The following PTPRZ1 variants were observed in gnomAD, a reference collection of about 807,000 sequenced individuals.
PTPRZ1 encodes protein tyrosine phosphatase receptor type Z1, also known as receptor-type tyrosine-protein phosphatase zeta.
A neutral mutation model predicts 214.1 loss-of-function variants in PTPRZ1; 82 were observed. The observed-to-expected ratio is 0.38, with a 90% CI of 0.32 to 0.46. The LOEUF (loss-of-function observed/expected upper bound fraction) is 0.46, where lower values mean the gene tolerates loss of function less well. Ranked by LOEUF, PTPRZ1 falls within the 20% of genes least tolerant of loss-of-function variation. The probability of loss-of-function intolerance (pLI) is 1.00; values close to 1 mark genes in which losing one functional copy is unlikely to be tolerated. For missense variants in PTPRZ1, 2,603 were observed against 2,748.7 expected, an observed-to-expected ratio of 0.95 and a Z score of 1.19; for synonymous variants, 945 against 987.9, an observed-to-expected ratio of 0.96 and a Z score of 0.81.
At chr7:121,982,835 G>A (rs983004312) in intron 6 of PTPRZ1, among the ~76,000 whole-genome samples, 1 of 151,518 alleles carries the variant, frequency 6.6e-6, no homozygotes, top group Non-Finnish European at 1.5e-5. Context: ...GTGCGGTGGC[G>A]CCATCTTGGC....
rs1350703993 is a variant in PTPRZ1, at chr7:122,009,605, C to T, written c.1288-729C>T. Among the ~76,000 whole-genome samples, 3 of 151,474 alleles carry T rather than the reference C, an allele frequency of 2.0e-5. No individual in the cohort carries two copies. In the East Asian group the frequency reaches 5.8e-4, roughly 29 times the overall value. ...CATGCAATGAAGATTATGCTTAAAG[C>T]ATAGGTCTTGGTTAACTTCTAGCTA... On this transcript the variant is annotated intron_variant, in intron 11 of 29. Coordinates refer to ENST00000393386, the MANE Select transcript of PTPRZ1 (RefSeq NM_002851.3).
At chr7:121,912,459 C>G (rs577974298) in intron 1 of PTPRZ1, among the ~76,000 whole-genome samples, 4 of 152,134 alleles carry the variant, frequency 2.6e-5, no homozygotes, top group Non-Finnish European at 4.4e-5. Context: ...AGTTTCTGCT[C>G]TTAAAGTAAT....
intron 2 of PTPRZ1, among the ~76,000 whole-genome samples, chr7:121,953,430 T>G (rs753950306): frequency 3.3e-5 from 5 of 152,188 alleles, no homozygotes; most frequent in Non-Finnish European, 5.9e-5. Context: ...TGAAAAACAA[T>G]GCAGATGATC....
chr7:122,028,010 G>A (rs548230994), intron 13 of PTPRZ1, among the ~76,000 whole-genome samples: 6 of 152,042 alleles, frequency 3.9e-5, no homozygotes, highest in South Asian at 2.1e-4. Context: ...TCATTTCTAC[G>A]TAGTTCATAG....
chr7:121,918,724 ACC>A, intron 1 of PTPRZ1, among the ~76,000 whole-genome samples: 2 of 152,046 alleles, frequency 1.3e-5, no homozygotes, highest in Admixed American at 1.3e-4. Flanking sequence ...TATTTGGAAA[ACC>A]TGAAAACATA....
intron 18 of PTPRZ1, 57 bp from the exon 19 acceptor site, chr7:122,038,698 A>G (rs889904586): frequency 1.7e-5 from 26 of 1,535,306 alleles, no homozygotes; most frequent in Non-Finnish European, 2.0e-5. Context: ...GGCATTGTAC[A>G]GTTAAAGATG....
At position 122,011,779 on chromosome 7, in the gene PTPRZ1, C is replaced by T. The variant is rs761636585; in HGVS notation, c.2733C>T (p.Pro911=). The T allele has an allele frequency of 1.2e-6, 2 of 1,614,118 alleles. No homozygotes were observed. The highest frequency in any genetic ancestry group is 3.3e-5 in the Admixed American group (2 of 60,018). The change falls in exon 12 of 30, where the codon CCC becomes CCT. Residue 911 remains proline, a synonymous_variant. Coordinates refer to ENST00000393386, the MANE Select transcript of PTPRZ1 (RefSeq NM_002851.3). ...KTLMFSQVEP[P]SSDAMMHARS... ...TTATGTTTTCTCAAGTTGAACCACC[C>T]AGCAGTGATGCCATGATGCATGCAC...
intron 1 of PTPRZ1, among the ~76,000 whole-genome samples, chr7:121,878,771 T>C (rs375088330): frequency 1.5e-4 from 23 of 152,316 alleles, no homozygotes; most frequent in African/African-American, 5.5e-4. Flanking sequence ...AATTCATTCA[T>C]TGAAGAATTC....
rs1167522689 is a variant in PTPRZ1 at position 122,010,611 on chromosome 7, C to T, written c.1565C>T (p.Thr522Ile). The T allele has an allele frequency of 6.2e-7, 1 of 1,613,728 alleles. No individual in the cohort carries two copies. The highest frequency in any genetic ancestry group is 1.1e-5 in the South Asian group (1 of 91,082). ...TEKDISLTSQTVTELPPHTVE... is the reference protein window; with the variant it reads ...TEKDISLTSQIVTELPPHTVE... ...AAAGATATTTCCTTGACTTCTCAGA[C>T]TGTGACTGAACTGCCACCTCACACT... Residue 522 changes from threonine to isoleucine, a missense_variant, in exon 12 of 30, where the codon ACT becomes ATT. Physicochemically the swap from Thr to Ile is moderately conservative, Grantham distance 89 (BLOSUM62 -1). Around this residue, in one of 6 missense-constraint regions of PTPRZ1, gnomAD observed 1,913 missense variants for 1,914.3 expected, o/e 1.00. Transcript: ENST00000393386.
chr7:121,884,502 C>T (rs532501415), intron 1 of PTPRZ1, among the ~76,000 whole-genome samples: 4 of 152,134 alleles, frequency 2.6e-5, no homozygotes, highest in Admixed American at 1.3e-4. Flanking sequence ...AGCATATATT[C>T]TGGGTATTTT....
chr7:121,908,369 GAA>G, intron 1 of PTPRZ1: 6 of 245,966 alleles, frequency 2.4e-5, no homozygotes, highest in South Asian at 8.4e-5. Flanking sequence ...CTTTGGAAAA[GAA>G]TATCAACTAT....
intron 1 of PTPRZ1, among the ~76,000 whole-genome samples, chr7:121,901,565 T>C (rs1794959211): frequency 6.6e-6 from 1 of 152,136 alleles, no homozygotes; most frequent in Non-Finnish European, 1.5e-5. Flanking sequence ...AATTAATCTC[T>C]TGATATTTTA....
intron 8 of PTPRZ1, among the ~76,000 whole-genome samples, chr7:121,989,748 T>C (rs531797663): frequency 6.6e-6 from 1 of 152,358 alleles, no homozygotes; most frequent in African/African-American, 2.4e-5. Flanking sequence ...ATTGTATTTA[T>C]ATTCAGTTTT....
At chr7:121,949,925 G>A (rs955934468) in intron 2 of PTPRZ1, among the ~76,000 whole-genome samples, 2 of 152,140 alleles carry the variant, frequency 1.3e-5, no homozygotes, top group African/African-American at 4.8e-5. Context: ...AGAAAAACCT[G>A]TTATTGAGAG....
intron 1 of PTPRZ1, among the ~76,000 whole-genome samples, chr7:121,918,098 C>G (rs2116333149): frequency 6.6e-6 from 1 of 151,632 alleles, no homozygotes; most frequent in African/African-American, 2.4e-5. Context: ...AGTCAATATA[C>G]TGGGAAAGGA....
In PTPRZ1 at chr7:122,028,338, C is replaced by T. The variant is rs1277833324; in HGVS notation, c.4989-214C>T. 1.2e-5 allele frequency: 5 copies of T among 414,174 alleles called. 1 individual carries two copies. The highest frequency in any genetic ancestry group is 1.0e-4 in the South Asian group (3 of 29,270). The allele number at this position is 414,174 out of a possible 1,614,324, so 25.7% of individuals were successfully genotyped here. On this transcript the variant is annotated intron_variant, in intron 13 of 29. Transcript: ENST00000393386. ...TTAGCATGCCTGATATCTACTTGCT[C>T]TTCTGCATCTGCTACAGGTAAAACT...
chr7:121,982,635 TA>T (rs1797645636), intron 6 of PTPRZ1, among the ~76,000 whole-genome samples: 1 of 152,248 alleles, frequency 6.6e-6, no homozygotes, highest in Admixed American at 6.5e-5. Context: ...TTTCCTATTT[TA>T]AATCATATTG....
chr7:121,926,711 A>C (rs1795775312), intron 1 of PTPRZ1, among the ~76,000 whole-genome samples: 1 of 152,182 alleles, frequency 6.6e-6, no homozygotes, highest in Admixed American at 6.5e-5. Context: ...AAAATGTTCT[A>C]AAATTGTTTG....
At chr7:121,907,703 T>C (rs1795157761) in intron 1 of PTPRZ1, among the ~76,000 whole-genome samples, 1 of 151,994 alleles carries the variant, frequency 6.6e-6, no homozygotes, top group Non-Finnish European at 1.5e-5. Context: ...ATTTAGGATC[T>C]AATTTATTTT....
Sources: gnomAD v4.1 joint callset for allele counts (sites outside exome capture counted in the v4.1 genomes callset) on GRCh38, gnomAD v4.1.1 for gene constraint, gnomAD v4.1.1 regional missense constraint, MANE v1.5 for transcripts, NCBI Gene and HGNC (gene_info 2026-07-23, HGNC 2026-07-21) for gene names.